The following GSTM4 variants were observed in gnomAD, a reference collection of about 807,000 sequenced individuals.
The protein encoded by GSTM4 is GST class-mu 4.
Under a neutral mutation model 30.1 loss-of-function variants are expected in GSTM4, and 27 were observed. The ratio of observed to expected loss-of-function variants is 0.90; its 90% CI spans 0.66 to 1.24. The LOEUF is 1.24. GSTM4 is among the 50% of genes most tolerant of loss of function. The pLI is 0.00. For synonymous variants in GSTM4, 94 were observed against 96.2 expected (o/e 0.98, Z 0.13); for missense variants, 238 against 272.1 (o/e 0.87, Z 0.88).
Position 109,658,793 on chromosome 1 carries a change from G to A in GSTM4, c.361-21G>A, listed in dbSNP as rs535340195. 1.4e-4 allele frequency: 226 copies of A among 1,566,506 alleles called. 2 individuals are homozygous for A. The South Asian group carries it at 2.4e-3, about 16-fold the overall frequency. On this transcript the variant is annotated intron_variant, in intron 5 of 7. Coordinates refer to ENST00000369836, the MANE Select transcript of GSTM4 (RefSeq NM_000850.5). Reference sequence around the variant, plus strand: ...CAGGGAGCTTGTGTCTGAGGGTGGTGACAGCTGTTTTCTGCCTCAGGAGAA... The same window carrying A: ...CAGGGAGCTTGTGTCTGAGGGTGGTAACAGCTGTTTTCTGCCTCAGGAGAA...
At chr1:109,666,343 C>T (rs1252248255), downstream of GSTM4, among the ~76,000 whole-genome samples, 1 of 152,234 alleles carries the variant, frequency 6.6e-6, no homozygotes, top group African/African-American at 2.4e-5. Context: ...TTCATCCTGC[C>T]TAGCCTTGCC....
intron 2 of GSTM4, 122 bp from the exon 3 acceptor site, chr1:109,657,093 G>A (rs1262086225): frequency 1.0e-6 from 1 of 968,032 alleles, no homozygotes; most frequent in Admixed American, 1.9e-5. Flanking sequence ...ATGTGGGACT[G>A]AGTGGTCAGA....
chr1:109,664,446 G>A (rs71657110), downstream of GSTM4, among the ~76,000 whole-genome samples: 4 of 134,212 alleles, frequency 3.0e-5, no homozygotes, highest in Middle Eastern at 4.2e-3. Context: ...TGCAACCTCC[G>A]CCTCCTGAGT....
Position 109,656,338 on chromosome 1 carries a change from C to T in GSTM4, c.-52C>T, listed in dbSNP as rs373619725. On this transcript the variant is annotated 5_prime_UTR_variant, in exon 1 of 8. Transcript: ENST00000369836. ...GCGTGCCGGGAACCCCAGAGGAGGTCGCAGTTCAGCCCAGCTGAGGCCTGT... is the reference window on the plus strand; with the variant it reads ...GCGTGCCGGGAACCCCAGAGGAGGTTGCAGTTCAGCCCAGCTGAGGCCTGT... The T allele has an allele frequency of 8.5e-5, 135 of 1,587,010 alleles. No homozygotes were observed. The highest frequency in any genetic ancestry group is 1.1e-4 in the Non-Finnish European group (132 of 1,155,674).
downstream of GSTM4, among the ~76,000 whole-genome samples, chr1:109,667,234 T>TATATATC (rs1647359825): frequency 6.6e-6 from 1 of 151,474 alleles, no homozygotes; most frequent in African/African-American, 2.4e-5. Context: ...CTCATGTAGT[T>TATATATC]AAGGTAAGTC....
intron 7 of GSTM4, chr1:109,660,552 C>T (rs76049388): frequency 0.013 from 2,067 of 154,500 alleles, 58 homozygotes; most frequent in African/African-American, 0.047. Context: ...CAGGTTTTGC[C>T]AGGTCCTTGG....
chr1:109,659,559 A>G (rs1223530078), intron 7 of GSTM4: 9 of 476,918 alleles, frequency 1.9e-5, no homozygotes, highest in Non-Finnish European at 3.3e-5. Context: ...AGTAGGACTG[A>G]CACACGGTGG....
rs1063578 is a variant in GSTM4 at position 109,661,386 on chromosome 1, C to T, written c.*132C>T. 2.4e-3 allele frequency: 3,747 copies of T among 1,546,192 alleles called. 77 individuals carry two copies. The African/African-American group carries it at 0.033, about 14-fold the overall frequency. On this transcript the variant is annotated 3_prime_UTR_variant, in exon 8 of 8. Transcript: ENST00000369836. ...TTCTCCTGTTTATTCCCATCTTTAC[C>T]CCCAAGACTTTATTGGGCCTCTTCA...
In GSTM4 at chr1:109,657,644, T is replaced by C. The variant is rs145858198; in HGVS notation, c.232T>C (p.Cys78Arg). The C allele has an allele frequency of 1.5e-4, 242 of 1,614,230 alleles. No individual in the cohort carries two copies. Among genetic ancestry groups the C allele is most frequent in the Non-Finnish European group, 1.8e-4 (216 of 1,180,036 alleles). ...GATCACCCAGAGCAACGCCATCCTGTGCTACATTGCCCGCAAGCACAACCT... is the reference window on the plus strand; with the variant it reads ...GATCACCCAGAGCAACGCCATCCTGCGCTACATTGCCCGCAAGCACAACCT... Reference protein sequence around the residue: ...HKITQSNAILCYIARKHNLCG... With the variant: ...HKITQSNAILRYIARKHNLCG... Residue 78 changes from cysteine to arginine, a missense_variant, in exon 4 of 8, where the codon TGC becomes CGC. By Grantham distance (180) the Cys-to-Arg change is radical. Transcript: ENST00000369836.
intron 7 of GSTM4, 132 bp downstream of exon 7, chr1:109,659,242 G>A (rs1199229084): frequency 6.2e-7 from 1 of 1,612,246 alleles, no homozygotes; most frequent in African/African-American, 1.3e-5. Flanking sequence ...CAGGAACCTT[G>A]CCCAGCACAT....
At chr1:109,659,163 T>G in intron 7 of GSTM4, 53 bp downstream of exon 7, 1 of 1,614,204 alleles carries the variant, frequency 6.2e-7, no homozygotes, top group East Asian at 2.2e-5. Context: ...GTTACCTCCT[T>G]TCAGATGCTT....
At chr1:109,658,976 C>A in intron 6 of GSTM4, 24 bp from the exon 7 acceptor site, 1 of 1,613,358 alleles carries the variant, frequency 6.2e-7, no homozygotes, top group South Asian at 1.1e-5. Context: ...AGATTCCAGC[C>A]CACACATTCT....
intron 5 of GSTM4, chr1:109,658,101 A>C (rs1377104143): frequency 3.6e-6 from 2 of 554,190 alleles, no homozygotes; most frequent in East Asian, 6.2e-5. Flanking sequence ...CAATAAAGTC[A>C]TGCGTTCAGA....
At position 109,661,687 on chromosome 1, in the gene GSTM4, A is replaced by G; in HGVS notation, c.*433A>G. 9.2e-7 allele frequency: 1 copy of G among 1,088,330 alleles called. No homozygotes were observed. Among genetic ancestry groups the G allele is most frequent in the Middle Eastern group, 4.1e-4 (1 of 2,422 alleles). 67.4% of individuals were successfully genotyped at this position (1,088,330 alleles called of 1,614,324 possible). Reference sequence around the variant, plus strand: ...GCCTTAGGCCTACCTGATCAAAATAAAGCCTCAGCCACATTTGCTATAGTC... The same window carrying G: ...GCCTTAGGCCTACCTGATCAAAATAGAGCCTCAGCCACATTTGCTATAGTC... On this transcript the variant is annotated 3_prime_UTR_variant, in exon 8 of 8. Transcript: ENST00000369836.
chr1:109,664,708 T>G (rs1647249128), downstream of GSTM4, among the ~76,000 whole-genome samples: 1 of 152,150 alleles, frequency 6.6e-6, no homozygotes, highest in Non-Finnish European at 1.5e-5. Flanking sequence ...CACATGGATC[T>G]TTCTGCACTA....
chr1:109,659,249 A>AGG (rs1652187700), intron 7 of GSTM4, 139 bp downstream of exon 7: 1 of 1,610,858 alleles, frequency 6.2e-7, no homozygotes, highest in Non-Finnish European at 8.5e-7. Context: ...CTTGCCCAGC[A>AGG]CATTATACCT....
rs752710828 is a variant in GSTM4, at chr1:109,657,164, G to A, written c.113-51G>A. On this transcript the variant is annotated intron_variant, in intron 2 of 7. Coordinates refer to ENST00000369836, the MANE Select transcript of GSTM4 (RefSeq NM_000850.5). ...GTTCCTTGGGAGGGTCCCCGGGAAG[G>A]AGGGCTGGGCTCTGGGGAGGTTTGT... 16 of 1,599,968 alleles carry A rather than the reference G, an allele frequency of 1.0e-5. 1 individual carries two copies. The South Asian group carries it at 1.8e-4, about 18-fold the overall frequency.
rs1490292248 is a variant in GSTM4, at chr1:109,657,257, A to G, written c.155A>G (p.Lys52Arg). The change falls in exon 3 of 8, where the codon AAG (lysine) becomes AGG (arginine). Residue 52 changes from lysine to arginine, a missense_variant. Coordinates refer to ENST00000369836, the MANE Select transcript of GSTM4 (RefSeq NM_000850.5). Reference protein sequence around the residue: ...DRSQWLNEKFKLGLDFPNLPY... With the variant: ...DRSQWLNEKFRLGLDFPNLPY... ...AGCCAGTGGCTGAATGAAAAATTCA[A>G]GCTGGGCCTGGACTTTCCCAATGTA... 3 of 1,612,410 alleles carry G rather than the reference A, an allele frequency of 1.9e-6. No individual in the cohort carries two copies. Among genetic ancestry groups the G allele is most frequent in the East Asian group, 2.2e-5 (1 of 44,892 alleles).
chr1:109,658,113 T>C (rs1652121146), intron 5 of GSTM4: 1 of 537,726 alleles, frequency 1.9e-6, no homozygotes, highest in Non-Finnish European at 3.3e-6. Context: ...GCGTTCAGAA[T>C]TCCCTTCACC....
Sources: gnomAD v4.1 joint callset for allele counts (sites outside exome capture counted in the v4.1 genomes callset) on GRCh38, gnomAD v4.1.1 for gene constraint, MANE v1.5 for transcripts, NCBI Gene and HGNC (gene_info 2026-07-23, HGNC 2026-07-21) for gene names.